Variants in H1-8 observed in about 807,000 individuals in gnomAD.
H1-8 encodes the protein H1.8 linker histone.
In H1-8, 13 loss-of-function variants were observed where a neutral mutation model predicts 19.5. The ratio of observed to expected loss-of-function variants is 0.67; its 90% CI spans 0.43 to 1.06. The LOEUF is 1.06. Among genes scored for constraint, H1-8 ranks in the 50% least tolerant of loss-of-function variants. H1-8 has a pLI of 0.00. For missense variants in H1-8, 432 were observed against 459.8 expected (o/e 0.94, Z 0.55); for synonymous variants, 193 against 187.6 (o/e 1.03, Z -0.24).
chr3:129,551,388 ATTC>A lies in H1-8; in HGVS notation c.*52_*54del. 8.8e-7 allele frequency: 1 copy of A among 1,131,334 alleles called. No individual in the cohort carries two copies. Among genetic ancestry groups the A allele is most frequent in the Non-Finnish European group, 1.3e-6 (1 of 775,350 alleles). 70.1% of individuals were successfully genotyped at this position (1,131,334 alleles called of 1,614,324 possible). A position where few individuals can be genotyped will look rare whatever the true frequency, so the allele number is the denominator to read the frequency against. On this transcript the variant is annotated 3_prime_UTR_variant, in exon 5 of 5. Transcript: ENST00000324382. ...AGACCGAGCCTCTGCCCTAGTTTTT[ATTC>A]TTCAACTAACCACTGCTCTATTTAT...
chr3:129,546,055 T>G (rs1355629895), intron 1 of H1-8, among the ~76,000 whole-genome samples: 1 of 151,712 alleles, frequency 6.6e-6, no homozygotes, highest in Non-Finnish European at 1.5e-5. Context: ...GGTGGGAAGA[T>G]AGCTTGAACT....
chr3:129,547,054 C>T (rs1007403090), intron 1 of H1-8, among the ~76,000 whole-genome samples: 1 of 152,070 alleles, frequency 6.6e-6, no homozygotes, highest in African/African-American at 2.4e-5. Context: ...AAAAATCAGC[C>T]AGGTATGGTG....
chr3:129,545,611 C>T (rs929241626), intron 1 of H1-8, among the ~76,000 whole-genome samples: 2 of 152,228 alleles, frequency 1.3e-5, no homozygotes, highest in Admixed American at 1.3e-4. Context: ...CTCCCCAGCC[C>T]TGGCAACCAC....
At position 129,547,457 on chromosome 3, in the gene H1-8, A is replaced by AC. The variant is rs768737255; in HGVS notation, c.161dup (p.Val55GlyfsTer97). ...AGCAGCCTCCCGGTGGGACGCCGCCACCCCCCGGTGCTACGCATGGTGCTG... is the reference window on the plus strand; with the variant it reads ...AGCAGCCTCCCGGTGGGACGCCGCCACCCCCCCGGTGCTACGCATGGTGCTG... On this transcript the variant is annotated frameshift_variant, in exon 2 of 5. Coordinates refer to ENST00000324382, the MANE Select transcript of H1-8 (RefSeq NM_153833.3). LOFTEE classifies it high-confidence loss of function. 5.6e-6 allele frequency: 8 copies of AC among 1,424,594 alleles called. No individual in the cohort carries two copies. The highest frequency in any genetic ancestry group is 4.4e-5 in the Admixed American group (2 of 45,832). 88.2% of individuals were successfully genotyped at this position (1,424,594 alleles called of 1,614,324 possible).
In H1-8 at chr3:129,549,068, C is replaced by T. The variant is rs770115798; in HGVS notation, c.446C>T (p.Ala149Val). 3.6e-5 allele frequency: 58 copies of T among 1,612,324 alleles called. No individual in the cohort carries two copies. The Middle Eastern group carries it at 1.3e-3, about 37-fold the overall frequency. ...KMAPATAPRR[A>V]GEAKGKGPKK... ...GCCCCCGCGACGGCTCCCAGGAGAGCGGGTGAGGCCAAGGGGAAGGGCCCC... is the reference window on the plus strand; with the variant it reads ...GCCCCCGCGACGGCTCCCAGGAGAGTGGGTGAGGCCAAGGGGAAGGGCCCC... Residue 149 changes from alanine (A) to valine (V), a missense_variant, in exon 3 of 5, where the codon GCG becomes GTG. Physicochemically the swap from Ala to Val is moderately conservative, Grantham distance 64. Transcript: ENST00000324382.
Position 129,543,244 on chromosome 3 carries a change from A to T in H1-8, c.26A>T (p.Asp9Val), listed in dbSNP as rs1235876249. MAPGSVTS[D>V]ISPSSTSTAG... ...ATGGCTCCTGGGAGCGTCACCAGCG[A>T]CATCTCACCCTCCTCGACTTCCACA... Residue 9 changes from aspartate to valine, a missense_variant, in exon 1 of 5, where the codon GAC becomes GTC. By Grantham distance (152) the Asp-to-Val change is radical (BLOSUM62 -3). Coordinates refer to ENST00000324382, the MANE Select transcript of H1-8 (RefSeq NM_153833.3). 18 of 1,613,546 alleles carry T rather than the reference A, an allele frequency of 1.1e-5. No homozygotes were observed. The highest frequency in any genetic ancestry group is 1.4e-5 in the Non-Finnish European group (17 of 1,179,780).
chr3:129,544,156 G>A (rs535040287), intron 1 of H1-8, among the ~76,000 whole-genome samples: 4 of 152,266 alleles, frequency 2.6e-5, no homozygotes, highest in East Asian at 1.9e-4. Context: ...ATGGGCTAAG[G>A]CCCAGAGGCC....
chr3:129,543,470 A>C (rs939781625), intron 1 of H1-8, among the ~76,000 whole-genome samples, 164 bp downstream of exon 1: 7 of 135,402 alleles, frequency 5.2e-5, no homozygotes, highest in Non-Finnish European at 1.1e-4. Flanking sequence ...ACCCAGCACC[A>C]AGCTGCTGAG....
Position 129,549,327 on chromosome 3 carries a change from C to G in H1-8, c.705C>G (p.Ser235Arg), listed in dbSNP as rs1391677580. 6.2e-7 allele frequency: 1 copy of G among 1,604,248 alleles called. No individual in the cohort carries two copies. The highest frequency in any genetic ancestry group is 8.5e-7 in the Non-Finnish European group (1 of 1,177,200). ...MRAPSSAGGL[S>R]RKAKAKGSRS... ...CACCTTCCAGTGCTGGTGGGCTCAG[C>G]AGGAAGGCAAAGGCCAAAGGCAGCA... The change falls in exon 3 of 5, where the codon AGC (serine) becomes AGG (arginine). Residue 235 changes from serine (S) to arginine (R), a missense_variant. Physicochemically the swap from Ser to Arg is moderately radical, Grantham distance 110 (BLOSUM62 -1). Transcript: ENST00000324382.
chr3:129,543,263 T>C lies in H1-8; in HGVS notation c.45T>C (p.Thr15=). ...SVTSDISPSS[T]STAGSSRSPE... ...CCAGCGACATCTCACCCTCCTCGAC[T>C]TCCACAGCAGGATCATCCAGGTCTC... Residue 15 remains threonine, a synonymous_variant, in exon 1 of 5, where the codon ACT becomes ACC. Transcript: ENST00000324382. 6.2e-7 allele frequency: 1 copy of C among 1,613,796 alleles called. No homozygotes were observed. The highest frequency in any genetic ancestry group is 8.5e-7 in the Non-Finnish European group (1 of 1,179,854).
chr3:129,548,458 T>C (rs57432828), intron 2 of H1-8: 60,347 of 987,136 alleles, frequency 0.061, 2,633 homozygotes, highest in African/African-American at 0.21. Flanking sequence ...TGCGGTGTGC[T>C]GGCAGTTGAG....
chr3:129,547,954 C>T (rs1346939613), intron 2 of H1-8, among the ~76,000 whole-genome samples: 1 of 152,216 alleles, frequency 6.6e-6, no homozygotes, highest in Non-Finnish European at 1.5e-5. Flanking sequence ...ACTTCTGGGT[C>T]CTGGGCACGT....
At chr3:129,550,665 G>T in intron 3 of H1-8, 80 bp from the exon 4 acceptor site, 2 of 1,194,118 alleles carry the variant, frequency 1.7e-6, no homozygotes, top group Non-Finnish European at 2.5e-6. Flanking sequence ...AGGAATGGGG[G>T]TTCTAGAGCC....
intron 1 of H1-8, 113 bp from the exon 2 acceptor site, chr3:129,547,278 G>A: frequency 9.1e-7 from 1 of 1,103,770 alleles, no homozygotes; most frequent in Non-Finnish European, 1.3e-6. Context: ...GTGTCTTGGG[G>A]AGAGGGGGGC....
chr3:129,543,554 C>G (rs1378332106), intron 1 of H1-8, among the ~76,000 whole-genome samples: 4 of 152,230 alleles, frequency 2.6e-5, no homozygotes, highest in Non-Finnish European at 4.4e-5. Flanking sequence ...TGGGGCCGGC[C>G]TCGCTCAGGG....
chr3:129,547,764 C>A, intron 2 of H1-8, 84 bp downstream of exon 2: 1 of 1,241,874 alleles, frequency 8.1e-7, no homozygotes, highest in South Asian at 1.6e-5. Context: ...TACTGGAAGG[C>A]CTTTCCCCTC....
intron 2 of H1-8, 66 bp from the exon 3 acceptor site, chr3:129,548,935 A>G (rs1578291033): frequency 1.3e-6 from 2 of 1,530,194 alleles, no homozygotes; most frequent in Non-Finnish European, 1.8e-6. Context: ...TCGGAGTCTT[A>G]CGGGGGGTGG....
chr3:129,545,491 A>G (rs2084880682), intron 1 of H1-8, among the ~76,000 whole-genome samples: 1 of 152,176 alleles, frequency 6.6e-6, no homozygotes, highest in Non-Finnish European at 1.5e-5. Flanking sequence ...TAAAGTGTAC[A>G]ATGGCTTTTG....
At chr3:129,547,753 C>G (rs2084901135) in intron 2 of H1-8, 73 bp downstream of exon 2, 2 of 1,335,394 alleles carry the variant, frequency 1.5e-6, no homozygotes, top group African/African-American at 1.5e-5. Context: ...GCTGCGGCCT[C>G]TACTGGAAGG....
Sources: gnomAD v4.1 joint callset for allele counts (sites outside exome capture counted in the v4.1 genomes callset) on GRCh38, gnomAD v4.1.1 for gene constraint, MANE v1.5 for transcripts, NCBI Gene and HGNC (gene_info 2026-07-23, HGNC 2026-07-21) for gene names.